The following CSMD1 variants were observed in gnomAD, a reference collection of about 807,000 sequenced individuals.
CSMD1 encodes the protein CUB and sushi domain-containing protein 1.
In CSMD1, 213 loss-of-function variants were observed where a neutral mutation model predicts 417.5. That is an observed-to-expected ratio of 0.51 (90% CI 0.46 to 0.57). The LOEUF (loss-of-function observed/expected upper bound fraction) is 0.57. Ranked by LOEUF, CSMD1 falls within the 20% of genes least tolerant of loss-of-function variation. The pLI, the probability that CSMD1 is intolerant of heterozygous loss-of-function variation, is 0.00. For synonymous variants in CSMD1, 2,862 were observed against 1,736.8 expected (o/e 1.65, Z -16.11); for missense variants, 6,923 against 4,529.7 (o/e 1.53, Z -15.17).
chr8:3,629,163 G>C (rs1263086334), intron 7 of CSMD1, among the ~76,000 whole-genome samples: 1 of 152,072 alleles, frequency 6.6e-6, no homozygotes, highest in Admixed American at 6.6e-5. Context: ...CGGGATGTTC[G>C]CAGGACGCAG....
chr8:4,410,847 A>G (rs1318802438), intron 3 of CSMD1, among the ~76,000 whole-genome samples: 2 of 152,212 alleles, frequency 1.3e-5, no homozygotes, highest in African/African-American at 4.8e-5. Context: ...GTTGAAATTT[A>G]ACTGTCAGTG....
At chr8:3,711,074 C>G (rs544481414) in intron 6 of CSMD1, among the ~76,000 whole-genome samples, 1 of 152,114 alleles carries the variant, frequency 6.6e-6, no homozygotes, top group African/African-American at 2.4e-5. Context: ...TTTCCTATAG[C>G]AAATGTTTGC....
rs1585125640 is a variant in CSMD1, at chr8:3,412,017, TATACAC to T, written c.1562-2418_1562-2413del. Among the ~76,000 whole-genome samples the T allele has an allele frequency of 3.3e-4, 8 of 24,494 alleles. 2 individuals are homozygous for T. Among genetic ancestry groups the T allele is most frequent in the Non-Finnish European group, 5.2e-4 (5 of 9,544 alleles). The allele number at this position is 24,494 out of a possible 152,430, so 16.1% of individuals were successfully genotyped here. ...GTGTATATACACGTATATATATACA[TATACAC>T]ACGTATATATACACATATATACACG... On this transcript the variant is annotated intron_variant, in intron 12 of 69. Transcript: ENST00000635120.
At chr8:3,073,820 G>C (rs995306007) in intron 49 of CSMD1, among the ~76,000 whole-genome samples, 2 of 151,780 alleles carry the variant, frequency 1.3e-5, no homozygotes, top group Admixed American at 6.6e-5. Context: ...TCTCTACTGA[G>C]TAATGATCAA....
intron 10 of CSMD1, among the ~76,000 whole-genome samples, chr8:3,523,804 C>T (rs916190973): frequency 1.3e-5 from 2 of 150,760 alleles, no homozygotes; most frequent in Admixed American, 1.3e-4. Context: ...CACACATGTG[C>T]ACATACACAC....
intron 12 of CSMD1, among the ~76,000 whole-genome samples, chr8:3,426,613 G>A (rs944709627): frequency 6.6e-6 from 1 of 152,098 alleles, no homozygotes; most frequent in Non-Finnish European, 1.5e-5. Flanking sequence ...TTTATTTCTT[G>A]ACACTGCCAC....
chr8:4,817,572 C>T (rs943114541), intron 1 of CSMD1, among the ~76,000 whole-genome samples: 22 of 152,180 alleles, frequency 1.4e-4, no homozygotes, highest in Non-Finnish European at 2.4e-4. Context: ...ATTATAATTT[C>T]CCACATTTTG....
chr8:4,237,002 C>T (rs907957239), intron 3 of CSMD1, among the ~76,000 whole-genome samples: 1 of 152,222 alleles, frequency 6.6e-6, no homozygotes, highest in South Asian at 2.1e-4. Flanking sequence ...CACACAAGAT[C>T]TTAAATCGCG....
intron 46 of CSMD1, among the ~76,000 whole-genome samples, chr8:3,103,507 A>T (rs891412518): frequency 6.6e-6 from 1 of 152,010 alleles, no homozygotes; most frequent in Admixed American, 6.6e-5. Flanking sequence ...AACTCATCTC[A>T]ACATTGAAAA....
chr8:3,059,916 G>T (rs1812481360), intron 49 of CSMD1, among the ~76,000 whole-genome samples: 1 of 152,124 alleles, frequency 6.6e-6, no homozygotes, highest in Non-Finnish European at 1.5e-5. Context: ...AGGGGAGAAA[G>T]GAGTTTTATC....
intron 2 of CSMD1, among the ~76,000 whole-genome samples, chr8:4,488,963 G>A (rs905384390): frequency 6.6e-6 from 1 of 152,142 alleles, no homozygotes; most frequent in East Asian, 1.9e-4. Context: ...CCAGGCTGAA[G>A]TGCAGTGGCG....
At chr8:3,662,502 G>A (rs538367488) in intron 7 of CSMD1, among the ~76,000 whole-genome samples, 1 of 152,298 alleles carries the variant, frequency 6.6e-6, no homozygotes, top group Admixed American at 6.5e-5. Flanking sequence ...ATAAACATAT[G>A]TGTGCATGTG....
At position 4,945,232 on chromosome 8, in the gene CSMD1, C is replaced by T. The variant is rs148799369; in HGVS notation, c.85+49100G>A. On this transcript the variant is annotated intron_variant, in intron 1 of 69. Coordinates refer to ENST00000635120, the MANE Select transcript of CSMD1 (RefSeq NM_033225.6). ...GAGATAGAAAGTAGAATGGTGATTGCCAGAGGCTGTGGAAGGGAACATGGG... is the reference window on the plus strand; with the variant it reads ...GAGATAGAAAGTAGAATGGTGATTGTCAGAGGCTGTGGAAGGGAACATGGG... Among the ~76,000 whole-genome samples, 477 of 152,052 alleles carry T rather than the reference C, an allele frequency of 3.1e-3. 4 individuals are homozygous for T. The highest frequency in any genetic ancestry group is 0.01 in the Middle Eastern group (3 of 294).
chr8:3,854,829 C>T (rs144338377), intron 5 of CSMD1, among the ~76,000 whole-genome samples: 3 of 151,698 alleles, frequency 2.0e-5, no homozygotes, highest in Non-Finnish European at 2.9e-5. Context: ...CTAAACATAA[C>T]AAAAACAGGG....
At chr8:3,035,522 A>C (rs1412284909) in intron 50 of CSMD1, among the ~76,000 whole-genome samples, 1 of 152,192 alleles carries the variant, frequency 6.6e-6, no homozygotes, top group Non-Finnish European at 1.5e-5. Context: ...AATTTGATTT[A>C]TTCTACAAAT....
intron 43 of CSMD1, 89 bp from the exon 44 acceptor site, chr8:3,108,837 A>C: frequency 1.6e-6 from 2 of 1,253,708 alleles, no homozygotes; most frequent in Admixed American, 2.6e-5. Flanking sequence ...TAATTTTTTT[A>C]ATAAAAGCAA....
intron 3 of CSMD1, among the ~76,000 whole-genome samples, chr8:4,408,124 A>G (rs1028406622): frequency 2.0e-5 from 3 of 152,232 alleles, no homozygotes; most frequent in Middle Eastern, 6.3e-3. Flanking sequence ...GAAAAACAAA[A>G]TGGAAACTTC....
intron 54 of CSMD1, among the ~76,000 whole-genome samples, chr8:2,990,520 A>G (rs1806287306): frequency 6.6e-6 from 1 of 152,154 alleles, no homozygotes; most frequent in South Asian, 2.1e-4. Flanking sequence ...TTATTATATA[A>G]TAATCCTATA....
At chr8:4,624,800 G>A (rs1802001832) in intron 2 of CSMD1, among the ~76,000 whole-genome samples, 1 of 152,120 alleles carries the variant, frequency 6.6e-6, no homozygotes, top group Non-Finnish European at 1.5e-5. Flanking sequence ...GTCAAGTCCA[G>A]AAAGTGACCC....
Sources: gnomAD v4.1 joint callset for allele counts (sites outside exome capture counted in the v4.1 genomes callset) on GRCh38, gnomAD v4.1.1 for gene constraint, MANE v1.5 for transcripts, NCBI Gene and HGNC (gene_info 2026-07-23, HGNC 2026-07-21) for gene names.